PHC2: variants seen among roughly 807,000 people sequenced by gnomAD.
The protein encoded by PHC2 is polyhomeotic-like protein 2.
PHC2 carries 29 observed loss-of-function variants against 87.4 expected under a neutral mutation model. The observed-to-expected ratio is 0.33, with a 90% CI of 0.25 to 0.45. PHC2 has a LOEUF of 0.45. PHC2 is among the 20% of genes least tolerant of loss of function. The pLI, the probability that PHC2 is intolerant of heterozygous loss-of-function variation, is 1.00. For synonymous variants in PHC2, 438 were observed against 461.7 expected, an observed-to-expected ratio of 0.95 and a Z score of 0.66; for missense variants, 857 against 1,136.7, an observed-to-expected ratio of 0.75 and a Z score of 3.54.
At chr1:33,397,648 C>A (rs1231505386) in intron 1 of PHC2, among the ~76,000 whole-genome samples, 1 of 152,042 alleles carries the variant, frequency 6.6e-6, no homozygotes, top group Non-Finnish European at 1.5e-5. Flanking sequence ...CAGCTCTCTG[C>A]CCTCTTTGTT....
intron 9 of PHC2, among the ~76,000 whole-genome samples, chr1:33,353,832 A>T (rs747696335): frequency 1.3e-5 from 2 of 152,124 alleles, no homozygotes; most frequent in South Asian, 4.1e-4. Context: ...GGGTGAAGGG[A>T]CCCAGCAGAG....
At chr1:33,403,057 G>A (rs1192184198) in intron 1 of PHC2, among the ~76,000 whole-genome samples, 3 of 150,346 alleles carry the variant, frequency 2.0e-5, no homozygotes, top group African/African-American at 4.9e-5. Flanking sequence ...TCCTGACCTC[G>A]TGATCCACCC....
rs1646486213 is a variant in PHC2, at chr1:33,331,125, T to G, written c.2006+223A>C. ...AGGAGGGCCAGCCGAGCCAAAGCAC[T>G]GCGGCTTTTCCTTGGACTCCCGCTG... On this transcript the variant is annotated intron_variant, in intron 12 of 14. Coordinates refer to ENST00000683057, the MANE Select transcript of PHC2 (RefSeq NM_001385109.1). This position sits in a 1 kb window ranked among gnomAD's most constrained non-coding sequence, Gnocchi z 5.2. Among the ~76,000 whole-genome samples, 1 of 152,206 alleles carries G rather than the reference T, an allele frequency of 6.6e-6. No individual in the cohort carries two copies. The highest frequency in any genetic ancestry group is 2.4e-5 in the African/African-American group (1 of 41,450).
At chr1:33,347,490 G>A in intron 9 of PHC2, 1 of 985,344 alleles carries the variant, frequency 1.0e-6, no homozygotes, top group Non-Finnish European at 1.2e-6. Context: ...AGTGGAAAGG[G>A]CCAGGAGGTG....
intron 1 of PHC2, among the ~76,000 whole-genome samples, chr1:33,410,656 G>A (rs1175762164): frequency 2.0e-5 from 3 of 152,144 alleles, no homozygotes; most frequent in East Asian, 1.9e-4. Context: ...AAGCCTTTAG[G>A]GATCAAGGGC....
Position 33,331,431 on chromosome 1 carries a change from G to C in PHC2, c.1923C>G (p.Leu641=). 1.2e-6 allele frequency: 2 copies of C among 1,610,554 alleles called. No individual in the cohort carries two copies. Among genetic ancestry groups the C allele is most frequent in the Non-Finnish European group, 1.7e-6 (2 of 1,177,078 alleles). ...ESKEEGAPLK[L]KCELCGRVDF... ...CCACCCGGCCACAGAGCTCACACTT[G>C]AGTTTGAGGGGAGCACCCTCCTCTT... Residue 641 remains leucine (L), a synonymous_variant, in exon 12 of 15, where the codon CTC becomes CTG. Transcript: ENST00000683057. This position sits in a 1 kb window ranked among gnomAD's most constrained non-coding sequence, Gnocchi z 5.2.
intron 1 of PHC2, among the ~76,000 whole-genome samples, chr1:33,400,764 G>A (rs1405307161): frequency 6.6e-6 from 1 of 152,038 alleles, no homozygotes; most frequent in Non-Finnish European, 1.5e-5. Flanking sequence ...AGTATAGTAA[G>A]TACAAAAGCA....
At chr1:33,330,285 C>T in intron 12 of PHC2, 73 bp from the exon 13 acceptor site, 1 of 1,540,282 alleles carries the variant, frequency 6.5e-7, no homozygotes, top group Non-Finnish European at 8.9e-7. Flanking sequence ...ATGAGCACAG[C>T]CAAGCTGTCT....
intron 9 of PHC2, among the ~76,000 whole-genome samples, chr1:33,338,415 G>A (rs1393711050): frequency 6.6e-6 from 1 of 152,236 alleles, no homozygotes; most frequent in Non-Finnish European, 1.5e-5. Context: ...GGACAGATGG[G>A]AGAGTGTTTT....
At chr1:33,384,951 C>T (rs146608286) in intron 1 of PHC2, among the ~76,000 whole-genome samples, 1 of 152,156 alleles carries the variant, frequency 6.6e-6, no homozygotes, top group Non-Finnish European at 1.5e-5. Context: ...GTTAAAATAC[C>T]GAAACACACT....
chr1:33,349,412 A>G lies in PHC2; in HGVS notation c.1558+4989T>C. The G allele has an allele frequency of 1.0e-6, 1 of 985,026 alleles. No individual in the cohort carries two copies. Among genetic ancestry groups the G allele is most frequent in the Non-Finnish European group, 1.2e-6 (1 of 829,796 alleles). 61.0% of individuals were successfully genotyped at this position (985,026 alleles called of 1,614,324 possible). On this transcript the variant is annotated intron_variant, in intron 9 of 14. Coordinates refer to ENST00000683057, the MANE Select transcript of PHC2 (RefSeq NM_001385109.1). The surrounding 1 kb of genome is among the most constrained non-coding windows in gnomAD (Gnocchi z 4.2). Reference sequence around the variant, plus strand: ...GACGGGCGCGCAGGGTCCCCAGGCGAGCGAGGCTGGGGAGCAGGGCACCTC... The same window carrying G: ...GACGGGCGCGCAGGGTCCCCAGGCGGGCGAGGCTGGGGAGCAGGGCACCTC...
Position 33,408,374 on chromosome 1 carries a change from A to G in PHC2, c.-55+22602T>C, listed in dbSNP as rs546278221. ...ATGGAGCTGCACTAGTTTGCTTCACATGGATGTATGTTCTTTCTCCTGACT... is the reference window on the plus strand; with the variant it reads ...ATGGAGCTGCACTAGTTTGCTTCACGTGGATGTATGTTCTTTCTCCTGACT... On this transcript the variant is annotated intron_variant, in intron 1 of 14. Coordinates refer to ENST00000683057, the MANE Select transcript of PHC2 (RefSeq NM_001385109.1). 5.3e-5 allele frequency among the ~76,000 whole-genome samples: 8 copies of G among 152,328 alleles called. No individual in the cohort carries two copies. The East Asian group carries it at 1.5e-3, about 29-fold the overall frequency.
intron 1 of PHC2, among the ~76,000 whole-genome samples, chr1:33,379,294 C>CATT (rs1648342627): frequency 1.0e-5 from 1 of 97,474 alleles, no homozygotes; most frequent in Non-Finnish European, 2.1e-5. Flanking sequence ...CCGCCCACCG[C>CATT]CCCCCTGCCC....
At chr1:33,387,470 T>G (rs1648823252) in intron 1 of PHC2, among the ~76,000 whole-genome samples, 1 of 152,172 alleles carries the variant, frequency 6.6e-6, no homozygotes, top group African/African-American at 2.4e-5. Context: ...GGGCCTTAAT[T>G]AGGTATGTAG....
At chr1:33,378,336 A>G (rs1648289283) in intron 1 of PHC2, among the ~76,000 whole-genome samples, 1 of 152,232 alleles carries the variant, frequency 6.6e-6, no homozygotes, top group Non-Finnish European at 1.5e-5. Context: ...AATTGAAATT[A>G]TAAGGATCAT....
rs1646915343 is a variant in PHC2 at position 33,349,478 on chromosome 1, G to A, written c.1558+4923C>T. On this transcript the variant is annotated intron_variant, in intron 9 of 14. Transcript: ENST00000683057. This position sits in a 1 kb window ranked among gnomAD's most constrained non-coding sequence, Gnocchi z 4.2. ...ACGAGAGCCGCGACTGGCACGGCCT[G>A]GCAGCCGCGTAGGCCCGGGCCGTTA... The A allele has an allele frequency of 1.0e-6, 1 of 985,176 alleles. No homozygotes were observed. The highest frequency in any genetic ancestry group is 1.7e-5 in the African/African-American group (1 of 57,210). The allele number at this position is 985,176 out of a possible 1,614,324, so 61.0% of individuals were successfully genotyped here. A position where few individuals can be genotyped will look rare whatever the true frequency, so the allele number is the denominator to read the frequency against.
chr1:33,413,444 C>G (rs1054455651), intron 1 of PHC2, among the ~76,000 whole-genome samples: 1 of 152,202 alleles, frequency 6.6e-6, no homozygotes, highest in Non-Finnish European at 1.5e-5. Flanking sequence ...GAAATGACAA[C>G]AGGAGCCTGA....
chr1:33,327,860 A>G (rs1014625148), intron 14 of PHC2, among the ~76,000 whole-genome samples: 5 of 152,260 alleles, frequency 3.3e-5, no homozygotes, highest in Admixed American at 3.3e-4. Flanking sequence ...GCCTTGGCTG[A>G]TAAATCTTAA....
chr1:33,345,615 T>C, intron 9 of PHC2: 1 of 983,470 alleles, frequency 1.0e-6, no homozygotes, highest in Non-Finnish European at 1.2e-6. Flanking sequence ...AGCATACTTT[T>C]TCTTCAAAAA....
Sources: gnomAD v4.1 joint callset for allele counts (sites outside exome capture counted in the v4.1 genomes callset) on GRCh38, gnomAD v4.1.1 for gene constraint, Gnocchi (gnomAD v3.1) non-coding constraint, MANE v1.5 for transcripts, NCBI Gene and HGNC (gene_info 2026-07-23, HGNC 2026-07-21) for gene names.